STK35: variants seen among roughly 807,000 people sequenced by gnomAD.
STK35 encodes serine/threonine kinase 35.
In STK35, 17 loss-of-function variants were observed where a neutral mutation model predicts 37.3. That is an observed-to-expected ratio of 0.46 (90% confidence interval 0.31 to 0.68). The LOEUF (loss-of-function observed/expected upper bound fraction) is 0.68, where lower values mean the gene tolerates loss of function less well. Among genes scored for constraint, STK35 ranks in the 30% least tolerant of loss-of-function variants. The pLI is 0.05. For missense variants in STK35, 595 were observed against 746.7 expected (o/e 0.80, Z 2.37); for synonymous variants, 385 against 319.1 (o/e 1.21, Z -2.20).
chr20:2,144,636 C>G lies in STK35; in HGVS notation c.*890C>G, dbSNP rs1986228639. 1.3e-5 allele frequency: 2 copies of G among 152,974 alleles called. No homozygotes were observed. The highest frequency in any genetic ancestry group is 4.1e-4 in the South Asian group (2 of 4,842). The allele number at this position is 152,974 out of a possible 1,614,324, so 9.5% of individuals were successfully genotyped here. ...TTGTGCCAAACTCTTGTGTGGAACA[C>G]AGCTGGGTCTTCAGCAGGCATCTGT... On this transcript the variant is annotated 3_prime_UTR_variant, in exon 4 of 4. Transcript: ENST00000381482.
intron 2 of STK35, among the ~76,000 whole-genome samples, chr20:2,105,444 T>C (rs182536941): frequency 6.6e-6 from 1 of 152,330 alleles, no homozygotes; most frequent in East Asian, 1.9e-4. Context: ...ATGTGGACTT[T>C]CCTCACCTGA....
chr20:2,109,910 A>G (rs1318744692), intron 2 of STK35, among the ~76,000 whole-genome samples: 2 of 152,256 alleles, frequency 1.3e-5, no homozygotes, highest in African/African-American at 4.8e-5. Flanking sequence ...GGCTGGCTTT[A>G]CAGCCCCTGT....
At chr20:2,106,733 C>G (rs1985522524) in intron 2 of STK35, among the ~76,000 whole-genome samples, 1 of 152,208 alleles carries the variant, frequency 6.6e-6, no homozygotes, top group African/African-American at 2.4e-5. Context: ...AAATGCTGTT[C>G]TTGGTCTTAC....
At chr20:2,103,472 C>G in intron 2 of STK35, 107 bp downstream of exon 2, 1 of 1,065,668 alleles carries the variant, frequency 9.4e-7, no homozygotes, top group Non-Finnish European at 1.3e-6. Flanking sequence ...GACCTGGTCC[C>G]TGTCACCCTG....
chr20:2,113,257 A>G lies in STK35; in HGVS notation c.893-3409A>G, dbSNP rs140095718. ...AAATCTAGTCCCCCGACCTCAAAAC[A>G]TCTGCAGAATGTGCCAGCATTTCTC... On this transcript the variant is annotated intron_variant, in intron 2 of 3. Transcript: ENST00000381482. Among the ~76,000 whole-genome samples the G allele has an allele frequency of 4.9e-3, 740 of 152,322 alleles. 3 individuals are homozygous for G. The highest frequency in any genetic ancestry group is 0.017 in the African/African-American group (704 of 41,578).
rs1986311147 is a variant in STK35 at position 2,148,420 on chromosome 20, A to T, written c.*4674A>T. Reference sequence around the variant, plus strand: ...TACTTGGTTTACTTGGGTTGGTATGATACATTATATTTAAGTTCCTTGAAC... The same window carrying T: ...TACTTGGTTTACTTGGGTTGGTATGTTACATTATATTTAAGTTCCTTGAAC... On this transcript the variant is annotated 3_prime_UTR_variant, in exon 4 of 4. Coordinates refer to ENST00000381482, the MANE Select transcript of STK35 (RefSeq NM_080836.4). 6.6e-6 allele frequency: 1 copy of T among 152,648 alleles called. No individual in the cohort carries two copies. Among genetic ancestry groups the T allele is most frequent in the Non-Finnish European group, 1.5e-5 (1 of 68,050 alleles). The allele number at this position is 152,648 out of a possible 1,614,324, so 9.5% of individuals were successfully genotyped here. A position where few individuals can be genotyped will look rare whatever the true frequency, so the allele number is the denominator to read the frequency against.
intron 2 of STK35, among the ~76,000 whole-genome samples, chr20:2,103,873 G>C (rs114714726): frequency 0.031 from 4,696 of 152,092 alleles, 217 homozygotes; most frequent in African/African-American, 0.11. Context: ...TGGCTTCCTC[G>C]TCTGCCTTTT....
At chr20:2,123,607 C>T (rs1038565019) in intron 3 of STK35, among the ~76,000 whole-genome samples, 1 of 152,130 alleles carries the variant, frequency 6.6e-6, no homozygotes, top group Admixed American at 6.5e-5. Flanking sequence ...TGTGTTGTTA[C>T]GCACGCTATA....
At position 2,116,647 on chromosome 20, in the gene STK35, C is replaced by A; in HGVS notation, c.893-19C>A. On this transcript the variant is annotated intron_variant, in intron 2 of 3. Coordinates refer to ENST00000381482, the MANE Select transcript of STK35 (RefSeq NM_080836.4). Reference sequence around the variant, plus strand: ...TGTGTCCATCTCACTCAAGCTCCTTCCTGTCTTCTTTGATTTAGGAGAAAG... The same window carrying A: ...TGTGTCCATCTCACTCAAGCTCCTTACTGTCTTCTTTGATTTAGGAGAAAG... 1 of 1,603,778 alleles carries A rather than the reference C, an allele frequency of 6.2e-7. No homozygotes were observed.
Position 2,103,316 on chromosome 20 carries a change from C to T in STK35, c.843C>T (p.Gly281=), listed in dbSNP as rs1352885369. The stretch of plus-strand genomic sequence containing the variant: ...GGTTAGCCCAGCGCATGAGTCACGG[C>T]AACAAGAGCTCGCAGCTTTACCTGC... ...RNGLAQRMSH[G]NKSSQLYLRL... is the part of the protein sequence containing the mutation. Residue 281 remains glycine (G), a synonymous_variant, in exon 2 of 4, where the codon GGC becomes GGT. Transcript: ENST00000381482. 4 of 1,612,812 alleles carry T rather than the reference C, an allele frequency of 2.5e-6. No homozygotes were observed. The highest frequency in any genetic ancestry group is 3.4e-6 in the Non-Finnish European group (4 of 1,179,740).
chr20:2,102,079 T>TCGGTCCCGGAGGCAGCC lies in STK35; in HGVS notation c.202_218dup (p.Ala76GlyfsTer95), dbSNP rs1157817287. 3 of 1,519,880 alleles carry TCGGTCCCGGAGGCAGCC rather than the reference T, an allele frequency of 2.0e-6. No homozygotes were observed. Among genetic ancestry groups the TCGGTCCCGGAGGCAGCC allele is most frequent in the East Asian group, 5.0e-5 (2 of 40,076 alleles). 94.1% of individuals were successfully genotyped at this position (1,519,880 alleles called of 1,614,324 possible). A position where few individuals can be genotyped will look rare whatever the true frequency, so the allele number is the denominator to read the frequency against. ...CTCGGGCCGCCACCTCCCGCGCTGC[T>TCGGTCCCGGAGGCAGCC]CGGTCCCGGAGGCAGCCCGGGCCCG... On this transcript the variant is annotated frameshift_variant, in exon 1 of 4. Coordinates refer to ENST00000381482, the MANE Select transcript of STK35 (RefSeq NM_080836.4). LOFTEE classifies it high-confidence loss of function.
intron 3 of STK35, among the ~76,000 whole-genome samples, chr20:2,119,931 A>T (rs1159024319): frequency 6.6e-6 from 1 of 152,110 alleles, no homozygotes; most frequent in East Asian, 1.9e-4. Flanking sequence ...ACTTAGGTTT[A>T]ATTCTTTCAT....
chr20:2,114,641 A>G (rs1277945805), intron 2 of STK35, among the ~76,000 whole-genome samples: 1 of 152,170 alleles, frequency 6.6e-6, no homozygotes, highest in Non-Finnish European at 1.5e-5. Context: ...CCGAAGGTCC[A>G]GTCTCCCCCA....
chr20:2,102,128 G>C lies in STK35; in HGVS notation c.247G>C (p.Ala83Pro). The C allele has an allele frequency of 7.1e-7, 1 of 1,409,600 alleles. No homozygotes were observed. The highest frequency in any genetic ancestry group is 9.2e-7 in the Non-Finnish European group (1 of 1,081,758). The allele number at this position is 1,409,600 out of a possible 1,614,324, so 87.3% of individuals were successfully genotyped here. A position where few individuals can be genotyped will look rare whatever the true frequency, so the allele number is the denominator to read the frequency against. ...GPGADHPQAG[A>P]PGGKRAARKW... ...CGGAGCGGACCATCCCCAGGCAGGGGCTCCAGGGGGGAAACGGGCCGCCCG... is the reference window on the plus strand; with the variant it reads ...CGGAGCGGACCATCCCCAGGCAGGGCCTCCAGGGGGGAAACGGGCCGCCCG... Residue 83 changes from alanine to proline, a missense_variant, in exon 1 of 4, where the codon GCT becomes CCT. Coordinates refer to ENST00000381482, the MANE Select transcript of STK35 (RefSeq NM_080836.4).
chr20:2,142,956 T>C (rs1032306014), intron 3 of STK35, among the ~76,000 whole-genome samples: 1 of 152,246 alleles, frequency 6.6e-6, no homozygotes, highest in Non-Finnish European at 1.5e-5. Context: ...TCTTGTCTTA[T>C]TCCTGAGGCC....
intron 2 of STK35, among the ~76,000 whole-genome samples, chr20:2,110,329 C>T (rs1985593746): frequency 6.6e-6 from 1 of 152,176 alleles, no homozygotes; most frequent in South Asian, 2.1e-4. Context: ...CTGCCCTTTT[C>T]CCCCCTTCAC....
chr20:2,102,683 G>A (rs986236358), intron 1 of STK35, 85 bp from the exon 2 acceptor site: 63 of 1,225,842 alleles, frequency 5.1e-5, no homozygotes, highest in Non-Finnish European at 6.4e-5. Context: ...GGCGGCCGGG[G>A]GAGGAGGAGG....
chr20:2,116,690 A>T lies in STK35; in HGVS notation c.917A>T (p.Glu306Val). The T allele has an allele frequency of 6.2e-7, 1 of 1,613,930 alleles. No homozygotes were observed. Among genetic ancestry groups the T allele is most frequent in the Non-Finnish European group, 8.5e-7 (1 of 1,179,814 alleles). The change falls in exon 3 of 4, where the codon GAG becomes GTG. Residue 306 changes from glutamate (E) to valine (V), a missense_variant. Transcript: ENST00000381482. ...GGAGAAAGGATCCTGGGTTATGCTG[A>T]GGAGCCCTGCTATCTCTGGTTTGTC... ...LKGERILGYA[E>V]EPCYLWFVME...
rs1453329603 is a variant in STK35 at position 2,145,252 on chromosome 20, C to G, written c.*1506C>G. 3 of 152,296 alleles carry G rather than the reference C, an allele frequency of 2.0e-5. No individual in the cohort carries two copies. Among genetic ancestry groups the G allele is most frequent in the Non-Finnish European group, 1.5e-5 (1 of 68,108 alleles). 9.4% of individuals were successfully genotyped at this position (152,296 alleles called of 1,614,324 possible). A position where few individuals can be genotyped will look rare whatever the true frequency, so the allele number is the denominator to read the frequency against. On this transcript the variant is annotated 3_prime_UTR_variant, in exon 4 of 4. Coordinates refer to ENST00000381482, the MANE Select transcript of STK35 (RefSeq NM_080836.4). ...GTGTTGTCCCTCTGTCTGGACGCGCCTGGCCACTCCGAAGGCTTTTCACCC... is the reference window on the plus strand; with the variant it reads ...GTGTTGTCCCTCTGTCTGGACGCGCGTGGCCACTCCGAAGGCTTTTCACCC...
Sources: allele counts gnomAD v4.1 joint callset (sites outside exome capture counted in the v4.1 genomes callset), GRCh38; gene constraint gnomAD v4.1.1; transcripts MANE v1.5; gene names NCBI Gene and HGNC (gene_info 2026-07-23, HGNC 2026-07-21).